CPAMD8: variants seen among roughly 807,000 people sequenced by gnomAD.
CPAMD8 encodes C3 and PZP like alpha-2-macroglobulin domain containing 8.
Under a neutral mutation model 224.7 loss-of-function variants are expected in CPAMD8, and 146 were observed. The observed-to-expected ratio is 0.65, with a 90% confidence interval of 0.57 to 0.75. The LOEUF is 0.75. Among genes scored for constraint, CPAMD8 ranks in the 30% least tolerant of loss-of-function variants. CPAMD8 has a pLI of 0.00. For missense variants in CPAMD8, 2,301 were observed against 2,537.5 expected, an observed-to-expected ratio of 0.91 and a Z score of 2.00; for synonymous variants, 966 against 1,044.6, an observed-to-expected ratio of 0.92 and a Z score of 1.45.
rs370768920 is a variant in CPAMD8 at position 16,993,568 on chromosome 19, C to A, written c.1114G>T (p.Asp372Tyr). ...GTCACCCCCTCAGCTGGGCTGCCAT[C>A]GGGGTAGGATAGCTCCACCTAGAAA... ...YVGKVELSYPDGSPAEGVTVQ... is the reference protein window; with the variant it reads ...YVGKVELSYPYGSPAEGVTVQ... The change falls in exon 12 of 42, where the codon GAT (aspartate) becomes TAT (tyrosine). Residue 372 changes from aspartate (D) to tyrosine (Y), a missense_variant. Transcript: ENST00000443236. The A allele has an allele frequency of 1.2e-5, 20 of 1,613,998 alleles. No individual in the cohort carries two copies. Among genetic ancestry groups the A allele is most frequent in the Non-Finnish European group, 1.6e-5 (19 of 1,180,006 alleles).
chr19:16,977,145 G>T (rs980788501), intron 15 of CPAMD8, among the ~76,000 whole-genome samples: 1 of 152,150 alleles, frequency 6.6e-6, no homozygotes, highest in Non-Finnish European at 1.5e-5. Flanking sequence ...TTCAACAAAG[G>T]CAGAGAATAA....
In CPAMD8 at chr19:16,952,587, G is replaced by T. The variant is rs544680441; in HGVS notation, c.2277-387C>A. On this transcript the variant is annotated intron_variant, in intron 19 of 41. Coordinates refer to ENST00000443236, the MANE Select transcript of CPAMD8 (RefSeq NM_015692.5). The stretch of plus-strand genomic sequence containing the variant: ...AGCTACTCAGGAGGCTGAAGTGGGG[G>T]ATTCACTTGAGCCCAGGTGGTCGAG... Among the ~76,000 whole-genome samples, 16 of 152,276 alleles carry T rather than the reference G, an allele frequency of 1.1e-4. No homozygotes were observed. In the South Asian group the frequency reaches 2.3e-3, roughly 22 times the overall value.
Position 16,898,098 on chromosome 19 carries a change from AAC to A in CPAMD8, c.4849-106_4849-105del, listed in dbSNP as rs949501457. The A allele has an allele frequency of 6.1e-5, 43 of 705,348 alleles. No individual in the cohort carries two copies. Among genetic ancestry groups the A allele is most frequent in the Non-Finnish European group, 9.8e-5 (41 of 419,654 alleles). The allele number at this position is 705,348 out of a possible 1,614,324, so 43.7% of individuals were successfully genotyped here. A position where few individuals can be genotyped will look rare whatever the true frequency, so the allele number is the denominator to read the frequency against. ...TTTCAGGGATACCCAGGACGCGTGA[AAC>A]ACAGAAGAAACGTGATCCCATTTTC... On this transcript the variant is annotated intron_variant, in intron 37 of 41. Coordinates refer to ENST00000443236, the MANE Select transcript of CPAMD8 (RefSeq NM_015692.5). The surrounding 1 kb of genome is among the most constrained non-coding windows in gnomAD (Gnocchi z 4.2).
chr19:17,008,001 T>C (rs12985292), intron 7 of CPAMD8, among the ~76,000 whole-genome samples: 27,494 of 151,972 alleles, frequency 0.18, 2,828 homozygotes, highest in African/African-American at 0.28. Flanking sequence ...AAACCCCATC[T>C]CTACTAAAAA....
intron 3 of CPAMD8, among the ~76,000 whole-genome samples, chr19:17,014,611 G>A (rs569339479): frequency 1.3e-5 from 2 of 152,270 alleles, no homozygotes; most frequent in African/African-American, 4.8e-5. Context: ...CTTACATGGT[G>A]GCAGGCAAGA....
chr19:16,907,307 C>CTTTTTTTTTTTTTTTT, intron 29 of CPAMD8, among the ~76,000 whole-genome samples, 190 bp from the exon 30 acceptor site: 1 of 81,074 alleles, frequency 1.2e-5, no homozygotes, highest in Non-Finnish European at 2.2e-5. Flanking sequence ...TCTTTCTTGC[C>CTTTTTTTTTTTTTTTT]TTTTTTTTTT....
chr19:16,999,628 C>G (rs2056247348), intron 10 of CPAMD8, among the ~76,000 whole-genome samples: 1 of 151,700 alleles, frequency 6.6e-6, no homozygotes, highest in Non-Finnish European at 1.5e-5. Flanking sequence ...GCTGTACACT[C>G]TACATGGGTG....
chr19:16,894,338 A>G, intron 41 of CPAMD8: 1 of 445,892 alleles, frequency 2.2e-6, no homozygotes, highest in South Asian at 1.6e-5. Flanking sequence ...AGGTCTGCCC[A>G]CCCACCATAC....
chr19:16,898,061 A>G lies in CPAMD8; in HGVS notation c.4849-67T>C. On this transcript the variant is annotated intron_variant, in intron 37 of 41. Coordinates refer to ENST00000443236, the MANE Select transcript of CPAMD8 (RefSeq NM_015692.5). This position sits in a 1 kb window ranked among gnomAD's most constrained non-coding sequence, Gnocchi z 4.2. ...GGCCCGGGGCGCTGAGCTCAGGCCC[A>G]GAACTGGCTGATTTCAGGGATACCC... 1.8e-6 allele frequency: 2 copies of G among 1,139,356 alleles called. No individual in the cohort carries two copies. Among genetic ancestry groups the G allele is most frequent in the Non-Finnish European group, 2.5e-6 (2 of 795,418 alleles). The allele number at this position is 1,139,356 out of a possible 1,614,324, so 70.6% of individuals were successfully genotyped here. A position where few individuals can be genotyped will look rare whatever the true frequency, so the allele number is the denominator to read the frequency against.
intron 5 of CPAMD8, among the ~76,000 whole-genome samples, chr19:17,009,982 C>T (rs373420321): frequency 2.6e-5 from 4 of 152,066 alleles, no homozygotes; most frequent in Non-Finnish European, 4.4e-5. Context: ...TACCAAGGGG[C>T]GTTCTGCAAA....
intron 13 of CPAMD8, among the ~76,000 whole-genome samples, chr19:16,980,904 C>T (rs2055490789): frequency 6.6e-6 from 1 of 152,034 alleles, no homozygotes; most frequent in Non-Finnish European, 1.5e-5. Flanking sequence ...GGTGAGATCT[C>T]AGCTCGCTGC....
chr19:16,894,674 GA>G (rs1210050645), intron 41 of CPAMD8: 1 of 342,460 alleles, frequency 2.9e-6, no homozygotes, highest in African/African-American at 2.1e-5. Flanking sequence ...TGTGCGGTAA[GA>G]GGGGAGTAGC....
intron 27 of CPAMD8, among the ~76,000 whole-genome samples, chr19:16,917,796 T>C (rs1448165688): frequency 6.6e-6 from 1 of 152,208 alleles, no homozygotes; most frequent in Non-Finnish European, 1.5e-5. Flanking sequence ...CTATCTGTTA[T>C]CTGAAATGCT....
Position 16,933,895 on chromosome 19 carries a change from A to G in CPAMD8, c.2845+4500T>C, listed in dbSNP as rs60706652. Among the ~76,000 whole-genome samples the G allele has an allele frequency of 2.0e-5, 3 of 152,356 alleles. No individual in the cohort carries two copies. In the East Asian group the frequency reaches 5.8e-4, roughly 29 times the overall value. On this transcript the variant is annotated intron_variant, in intron 23 of 41. Transcript: ENST00000443236. ...CAGAAAAGACACAAATGATAATAGT[A>G]GCTTTATTTGAGATACTCCCAAACT...
intron 27 of CPAMD8, among the ~76,000 whole-genome samples, chr19:16,921,650 G>T (rs1242215431): frequency 6.6e-6 from 1 of 151,398 alleles, no homozygotes; most frequent in African/African-American, 2.4e-5. Flanking sequence ...AGGGGCCAGA[G>T]AGCAGGGCAT....
chr19:16,971,272 C>G (rs1232364108), intron 17 of CPAMD8: 1 of 409,462 alleles, frequency 2.4e-6, no homozygotes, highest in East Asian at 4.9e-5. Flanking sequence ...GCAATCTTGG[C>G]TCACTGGAAG....
At chr19:16,987,179 AATATATATATATATAT>A (rs775029154) in intron 13 of CPAMD8, among the ~76,000 whole-genome samples, 1 of 53,906 alleles carries the variant, frequency 1.9e-5, no homozygotes, top group Non-Finnish European at 2.9e-5. Flanking sequence ...AAAAAAAAAA[AATATATATATATATAT>A]ATATATATAT....
rs1434174798 is a variant in CPAMD8 at position 17,011,773 on chromosome 19, G to A, written c.268-16C>T. ...CCGTGGGCACCTGCAGGCAGAGGAA[G>A]GAGCTTTGGGACAAGAATTCACCCT... On this transcript the variant is annotated splice_polypyrimidine_tract_variant and intron_variant, in intron 3 of 41. Coordinates refer to ENST00000443236, the MANE Select transcript of CPAMD8 (RefSeq NM_015692.5). The A allele has an allele frequency of 2.5e-6, 4 of 1,609,190 alleles. No individual in the cohort carries two copies. Among genetic ancestry groups the A allele is most frequent in the African/African-American group, 2.7e-5 (2 of 74,622 alleles).
At chr19:16,937,063 G>GCCTTCCTTCCTTCCTTCCTTCCTTCCTT (rs34510069) in intron 23 of CPAMD8, among the ~76,000 whole-genome samples, 41 of 132,160 alleles carry the variant, frequency 3.1e-4, no homozygotes, top group African/African-American at 1.1e-3. Context: ...CTTCCCTCCT[G>GCCTTCCTTCCTTCCTTCCTTCCTTCCTT]CCTTCCTTCC....
Sources: gnomAD v4.1 joint callset for allele counts (sites outside exome capture counted in the v4.1 genomes callset) on GRCh38, gnomAD v4.1.1 for gene constraint, Gnocchi (gnomAD v3.1) non-coding constraint, MANE v1.5 for transcripts, NCBI Gene and HGNC (gene_info 2026-07-23, HGNC 2026-07-21) for gene names.